SPATA21: variants seen among roughly 807,000 people sequenced by gnomAD.
SPATA21 encodes spermatogenesis-associated protein 21.
Under a neutral mutation model 54.8 loss-of-function variants are expected in SPATA21, and 47 were observed. The ratio of observed to expected loss-of-function variants is 0.86; its 90% CI spans 0.68 to 1.09. The LOEUF (loss-of-function observed/expected upper bound fraction) is 1.09. Among genes scored for constraint, SPATA21 ranks in the 50% least tolerant of loss-of-function variants. The pLI is 0.00. For missense variants in SPATA21, 599 were observed against 596.4 expected (o/e 1.00, Z -0.05); for synonymous variants, 245 against 235.3 (o/e 1.04, Z -0.38).
chr1:16,436,037 G>A (rs2086577815), intron 1 of SPATA21, among the ~76,000 whole-genome samples: 1 of 152,058 alleles, frequency 6.6e-6, no homozygotes, highest in African/African-American at 2.4e-5. Flanking sequence ...CGGATCATGA[G>A]GTCAGGAGTT....
At chr1:16,426,465 T>G (rs1416147853) in intron 3 of SPATA21, among the ~76,000 whole-genome samples, 71 of 148,164 alleles carry the variant, frequency 4.8e-4, no homozygotes, top group African/African-American at 1.6e-3. Flanking sequence ...CACCATGTTG[T>G]CCAGGTTGGT....
chr1:16,400,518 C>T (rs781144829), intron 11 of SPATA21: 18 of 1,347,342 alleles, frequency 1.3e-5, no homozygotes, highest in Middle Eastern at 2.8e-4. Flanking sequence ...AGGAGTCCAA[C>T]GCAGGAGGCC....
At chr1:16,411,649 G>A (rs994226436) in intron 5 of SPATA21, among the ~76,000 whole-genome samples, 2 of 151,972 alleles carry the variant, frequency 1.3e-5, no homozygotes, top group African/African-American at 2.4e-5. Flanking sequence ...AATTCGCCGG[G>A]TGTGGTGGCA....
At chr1:16,402,730 C>G (rs1202773234) in intron 10 of SPATA21, among the ~76,000 whole-genome samples, 1 of 150,596 alleles carries the variant, frequency 6.6e-6, no homozygotes, top group Non-Finnish European at 1.5e-5. Flanking sequence ...AACAAAGTGC[C>G]TTTTGGCTGG....
chr1:16,402,344 C>G (rs2085477985), intron 10 of SPATA21, among the ~76,000 whole-genome samples: 1 of 138,630 alleles, frequency 7.2e-6, no homozygotes. Flanking sequence ...TCACTGCAAC[C>G]TCCGCCTCCT....
intron 8 of SPATA21, among the ~76,000 whole-genome samples, chr1:16,404,414 G>A (rs940449857): frequency 6.6e-6 from 1 of 152,158 alleles, no homozygotes; most frequent in Non-Finnish European, 1.5e-5. Flanking sequence ...AGGTTGCAGT[G>A]AGCCAAGATC....
intron 8 of SPATA21, 60 bp from the exon 9 acceptor site, chr1:16,404,099 GC>G: frequency 7.1e-7 from 1 of 1,418,212 alleles, no homozygotes; most frequent in Non-Finnish European, 9.7e-7. Context: ...ATGCCTTGCA[GC>G]CCAGGCGTGG....
intron 3 of SPATA21, among the ~76,000 whole-genome samples, chr1:16,429,699 C>A (rs1485023354): frequency 6.7e-6 from 1 of 150,308 alleles, no homozygotes; most frequent in Non-Finnish European, 1.5e-5. Context: ...GTCTTGAACT[C>A]CCGACCTCAG....
At chr1:16,430,106 C>G (rs1193359545) in intron 3 of SPATA21, among the ~76,000 whole-genome samples, 10 of 118,922 alleles carry the variant, frequency 8.4e-5, no homozygotes, top group African/African-American at 3.2e-4. Flanking sequence ...GACAGCAAGA[C>G]TCTATCTCAA....
intron 7 of SPATA21, chr1:16,408,830 A>C (rs1296815316): frequency 3.6e-6 from 1 of 276,306 alleles, no homozygotes; most frequent in Non-Finnish European, 6.9e-6. Flanking sequence ...AGATCGCACC[A>C]CTGCACTCCA....
chr1:16,398,265 C>T (rs113992194), downstream of SPATA21: 1,815 of 159,926 alleles, frequency 0.011, 31 homozygotes, highest in African/African-American at 0.042. Context: ...AACACGAGGC[C>T]GGGTGGTATG....
At position 16,408,730 on chromosome 1, in the gene SPATA21, C is replaced by T. The variant is rs113348154; in HGVS notation, c.673+388G>A. 7.8e-4 allele frequency: 125 copies of T among 160,062 alleles called. 1 individual carries two copies. The highest frequency in any genetic ancestry group is 4.1e-3 in the Admixed American group (64 of 15,546). The allele number at this position is 160,062 out of a possible 1,614,324, so 9.9% of individuals were successfully genotyped here. ...ACTAAAAATACAAAAATTAGCCGGG[C>T]GTGGTGTCACACATCTGTAATCTTA... On this transcript the variant is annotated intron_variant, in intron 7 of 12. Coordinates refer to ENST00000335496, the MANE Select transcript of SPATA21 (RefSeq NM_198546.1).
rs982811825 is a variant in SPATA21, at chr1:16,418,341, G to T, written c.144+3168C>A. 4.9e-4 allele frequency among the ~76,000 whole-genome samples: 75 copies of T among 151,952 alleles called. 1 individual carries two copies. Among genetic ancestry groups the T allele is most frequent in the African/African-American group, 1.8e-3 (73 of 41,364 alleles). ...GGCCGGAGTGCAGTGGCGTGATCTC[G>T]GCTCACTGGAAGCTCTGCCTCCTGG... On this transcript the variant is annotated intron_variant, in intron 5 of 12. Coordinates refer to ENST00000335496, the MANE Select transcript of SPATA21 (RefSeq NM_198546.1).
At chr1:16,400,451 T>G in intron 11 of SPATA21, 3 of 1,180,710 alleles carry the variant, frequency 2.5e-6, no homozygotes, top group South Asian at 3.1e-5. Flanking sequence ...TCTACAGCTG[T>G]TCTTTCTCAG....
At chr1:16,398,066 C>A (rs1433371705), downstream of SPATA21, 6 of 887,888 alleles carry the variant, frequency 6.8e-6, no homozygotes, top group Non-Finnish European at 6.7e-6. Flanking sequence ...ACTCCCACCC[C>A]ACCCTGCACC....
chr1:16,426,095 T>A (rs187209099), intron 3 of SPATA21, among the ~76,000 whole-genome samples: 65 of 150,360 alleles, frequency 4.3e-4, no homozygotes, highest in African/African-American at 1.6e-3. Context: ...CAGAAAAAAA[T>A]GAAACAAAAA....
rs764811844 is a variant in SPATA21 at position 16,403,854 on chromosome 1, T to G, written c.884-10A>C. 2 of 1,609,494 alleles carry G rather than the reference T, an allele frequency of 1.2e-6. No individual in the cohort carries two copies. Among genetic ancestry groups the G allele is most frequent in the Non-Finnish European group, 1.7e-6 (2 of 1,177,236 alleles). The stretch of plus-strand genomic sequence containing the variant: ...GACAGGGCGTTCTGTTCTGGAGACA[T>G]GGGATAGTGGCTGCCGTTACCACTG... On this transcript the variant is annotated splice_polypyrimidine_tract_variant and intron_variant, in intron 9 of 12. Transcript: ENST00000335496.
chr1:16,400,926 CTG>C (rs768599007), intron 10 of SPATA21, 34 bp from the exon 11 acceptor site: 11 of 1,598,832 alleles, frequency 6.9e-6, no homozygotes, highest in Middle Eastern at 1.7e-4. Flanking sequence ...CTCAGCCTGG[CTG>C]TGTTTAATTC....
At chr1:16,419,832 C>G (rs531379919) in intron 5 of SPATA21, among the ~76,000 whole-genome samples, 1 of 152,060 alleles carries the variant, frequency 6.6e-6, no homozygotes, top group Non-Finnish European at 1.5e-5. Context: ...CCCACCTACT[C>G]GGGAGGCTGA....
Sources: gnomAD v4.1 joint callset for allele counts (sites outside exome capture counted in the v4.1 genomes callset) on GRCh38, gnomAD v4.1.1 for gene constraint, MANE v1.5 for transcripts, NCBI Gene and HGNC (gene_info 2026-07-23, HGNC 2026-07-21) for gene names.